EXOC4: variants seen among roughly 807,000 people sequenced by gnomAD.
EXOC4 encodes the protein SEC8-like 1.
Under a neutral mutation model 107.2 loss-of-function variants are expected in EXOC4, and 71 were observed. The observed-to-expected ratio is 0.66, with a 90% CI of 0.55 to 0.81. EXOC4 has a LOEUF of 0.81. Ranked by LOEUF, EXOC4 falls within the 30% of genes least tolerant of loss-of-function variation. The probability of loss-of-function intolerance (pLI) is 0.00; values close to 1 mark genes in which losing one functional copy is unlikely to be tolerated. For missense variants in EXOC4, 1,108 were observed against 1,189.6 expected (o/e 0.93, Z 1.01); for synonymous variants, 456 against 441.2 (o/e 1.03, Z -0.42).
At position 133,860,385 on chromosome 7, in the gene EXOC4, A is replaced by G. The variant is rs117849248; in HGVS notation, c.1735-35214A>G. Among the ~76,000 whole-genome samples the G allele has an allele frequency of 3.1e-3, 472 of 152,338 alleles. 1 individual carries two copies. The highest frequency in any genetic ancestry group is 9.5e-3 in the South Asian group (46 of 4,830). On this transcript the variant is annotated intron_variant, in intron 11 of 17. Transcript: ENST00000253861. ...ACAGAGCATGAGAGAACATCAAACTAAAAGTTCTGAGCAAGAAAGTACAAG... is the reference window on the plus strand; with the variant it reads ...ACAGAGCATGAGAGAACATCAAACTGAAAGTTCTGAGCAAGAAAGTACAAG...
intron 9 of EXOC4, among the ~76,000 whole-genome samples, chr7:133,543,617 T>A (rs1800423377): frequency 6.6e-6 from 1 of 152,186 alleles, no homozygotes; most frequent in Non-Finnish European, 1.5e-5. Flanking sequence ...GCTTTATTTT[T>A]ATCCTGCTTT....
At position 133,255,855 on chromosome 7, in the gene EXOC4, A is replaced by G. The variant is rs974665109; in HGVS notation, c.86+2668A>G. On this transcript the variant is annotated intron_variant, in intron 1 of 17. Transcript: ENST00000253861. ...GAATGGGGGGAGAGTCCTGCGGGTA[A>G]GAGAACCAGGAATGTATGTTTCTTG... Among the ~76,000 whole-genome samples, 14 of 152,174 alleles carry G rather than the reference A, an allele frequency of 9.2e-5. 1 individual carries two copies. The highest frequency in any genetic ancestry group is 2.4e-4 in the African/African-American group (10 of 41,430).
chr7:133,874,616 A>C (rs945265644), intron 11 of EXOC4, among the ~76,000 whole-genome samples: 10 of 152,216 alleles, frequency 6.6e-5, no homozygotes, highest in African/African-American at 1.9e-4. Context: ...TGCACGCGTA[A>C]CTGAGGCTGA....
At position 133,576,607 on chromosome 7, in the gene EXOC4, T is replaced by C. The variant is rs927545256; in HGVS notation, c.1418-53438T>C. 45 of 1,289,318 alleles carry C rather than the reference T, an allele frequency of 3.5e-5. No individual in the cohort carries two copies. In the African/African-American group the frequency reaches 6.8e-4, roughly 20 times the overall value. The allele number at this position is 1,289,318 out of a possible 1,614,324, so 79.9% of individuals were successfully genotyped here. ...CTATAAAGCGGATTTCTCAAGGGGGTAGAGATAACCACCTAGCTATTGCTA... is the reference window on the plus strand; with the variant it reads ...CTATAAAGCGGATTTCTCAAGGGGGCAGAGATAACCACCTAGCTATTGCTA... On this transcript the variant is annotated intron_variant, in intron 9 of 17. Transcript: ENST00000253861.
intron 9 of EXOC4, among the ~76,000 whole-genome samples, chr7:133,602,524 G>A (rs967949531): frequency 1.3e-5 from 2 of 152,126 alleles, no homozygotes; most frequent in South Asian, 2.1e-4. Context: ...ATTGAAATGC[G>A]AGAACTAAAA....
intron 10 of EXOC4, among the ~76,000 whole-genome samples, chr7:133,664,047 A>G (rs1451611209): frequency 1.3e-5 from 2 of 152,024 alleles, no homozygotes; most frequent in East Asian, 3.9e-4. Flanking sequence ...AACCTTAAAC[A>G]TTTGCACTAC....
At chr7:133,706,455 G>A (rs1352679297) in intron 10 of EXOC4, among the ~76,000 whole-genome samples, 1 of 152,090 alleles carries the variant, frequency 6.6e-6, no homozygotes. Flanking sequence ...CATGGCTTTT[G>A]GTTGACTAAG....
chr7:133,951,679 A>G (rs1171053731), intron 14 of EXOC4, among the ~76,000 whole-genome samples: 1 of 152,210 alleles, frequency 6.6e-6, no homozygotes, highest in Non-Finnish European at 1.5e-5. Context: ...TGCATTTGAA[A>G]TTAGATTTTG....
intron 9 of EXOC4, among the ~76,000 whole-genome samples, chr7:133,494,933 G>A (rs985565185): frequency 6.6e-6 from 1 of 152,048 alleles, no homozygotes; most frequent in Non-Finnish European, 1.5e-5. Context: ...TTTGAAATTT[G>A]TAGTTCCTAT....
intron 14 of EXOC4, among the ~76,000 whole-genome samples, chr7:133,986,164 A>C (rs1409525389): frequency 6.6e-6 from 1 of 152,234 alleles, no homozygotes; most frequent in Non-Finnish European, 1.5e-5. Context: ...ATCAATGAGC[A>C]TGGTGGTTTT....
intron 10 of EXOC4, among the ~76,000 whole-genome samples, chr7:133,817,017 G>T (rs11489673): frequency 0.024 from 3,580 of 152,218 alleles, 147 homozygotes; most frequent in African/African-American, 0.082. Context: ...AATAATTTGT[G>T]TTTTTTGTTT....
chr7:133,870,445 TC>T lies in EXOC4; in HGVS notation c.1735-25153del, dbSNP rs377432518. 4.3e-4 allele frequency among the ~76,000 whole-genome samples: 65 copies of T among 152,350 alleles called. 1 individual carries two copies. In the East Asian group the frequency reaches 0.012, roughly 29 times the overall value. ...TAGTTGCCTTTGATATTTGACTTTT[TC>T]TTCTCTACCAGAGCTGTCTGTGCAA... On this transcript the variant is annotated intron_variant, in intron 11 of 17. Transcript: ENST00000253861.
At chr7:133,420,197 A>C in intron 7 of EXOC4, among the ~76,000 whole-genome samples, 1 of 129,218 alleles carries the variant, frequency 7.7e-6, no homozygotes, top group East Asian at 2.3e-4. Flanking sequence ...TTCAATTCCC[A>C]CCTATGAGTG....
chr7:133,742,302 A>C (rs1175319244), intron 10 of EXOC4, among the ~76,000 whole-genome samples: 1 of 152,134 alleles, frequency 6.6e-6, no homozygotes, highest in Non-Finnish European at 1.5e-5. Flanking sequence ...GGTTACCTTT[A>C]GCATTGAGAA....
chr7:133,895,384 G>A lies in EXOC4; in HGVS notation c.1735-215G>A, dbSNP rs534577632. ...TCAGATGGAAATGCAGAAATCACCC[G>A]TCTTCTGCGTCGCTCACGCTGGGAG... On this transcript the variant is annotated intron_variant, in intron 11 of 17. Transcript: ENST00000253861. 3.9e-5 allele frequency among the ~76,000 whole-genome samples: 6 copies of A among 152,156 alleles called. No homozygotes were observed. The South Asian group carries it at 1.0e-3, about 26-fold the overall frequency.
chr7:133,702,293 C>T (rs1794676623), intron 10 of EXOC4, among the ~76,000 whole-genome samples: 1 of 151,534 alleles, frequency 6.6e-6, no homozygotes, highest in African/African-American at 2.4e-5. Context: ...TGAACCACAG[C>T]CAGCTTTGTC....
At chr7:133,612,741 A>C (rs1163063192) in intron 9 of EXOC4, among the ~76,000 whole-genome samples, 1 of 152,116 alleles carries the variant, frequency 6.6e-6, no homozygotes, top group Non-Finnish European at 1.5e-5. Context: ...GGGTGGTGAG[A>C]GGTACTGGGA....
chr7:133,421,334 G>T (rs10954415), intron 7 of EXOC4, among the ~76,000 whole-genome samples: 72,669 of 151,444 alleles, frequency 0.48, 17,758 homozygotes, highest in East Asian at 0.6. Flanking sequence ...AGAAGGCATG[G>T]ATGGCTGATC....
At chr7:134,085,760 G>A in the EXOC4 span, among the ~76,000 whole-genome samples, 1 of 152,298 alleles carries the variant, frequency 6.6e-6, no homozygotes, top group African/African-American at 2.4e-5. Flanking sequence ...ACAACCAATA[G>A]CAATGATTTA....
Sources: allele counts gnomAD v4.1 joint callset (sites outside exome capture counted in the v4.1 genomes callset), GRCh38; gene constraint gnomAD v4.1.1; transcripts MANE v1.5; gene names NCBI Gene and HGNC (gene_info 2026-07-23, HGNC 2026-07-21).